DMD: variants seen among roughly 807,000 people sequenced by gnomAD.
DMD encodes the protein dystrophin.
In DMD, 63 loss-of-function variants were observed where a neutral mutation model predicts 330.1. The observed-to-expected ratio is 0.19, with a 90% CI of 0.16 to 0.24. The LOEUF is 0.24. DMD is among the 10% of genes least tolerant of loss of function. The pLI is 1.00. For synonymous variants in DMD, 1,223 were observed against 959.8 expected (o/e 1.27, Z -5.07); for missense variants, 3,344 against 2,684.1 (o/e 1.25, Z -5.43).
rs762516317 is a variant in DMD, at chrX:32,858,995, A to G, written c.94-9175T>C. ...CTTTCTGAGGCACAATTTATTCACT[A>G]TTAGAATGGGGCTCAAATTATTACT... On this transcript the variant is annotated intron_variant, in intron 2 of 78. Coordinates refer to ENST00000357033, the MANE Select transcript of DMD (RefSeq NM_004006.3). Among the ~76,000 whole-genome samples the G allele has an allele frequency of 3.6e-5, 4 of 111,632 alleles. No homozygotes were observed. The East Asian group carries it at 1.1e-3, about 31-fold the overall frequency.
chrX:32,418,214 A>G (rs934617776), intron 29 of DMD, among the ~76,000 whole-genome samples: 2 of 111,575 alleles, frequency 1.8e-5, no homozygotes, highest in Non-Finnish European at 3.8e-5. Context: ...TTTCTGATCT[A>G]TCTGGCTGAA....
At chrX:31,762,484 C>T (rs995006519) in intron 51 of DMD, among the ~76,000 whole-genome samples, 2 of 111,202 alleles carry the variant, frequency 1.8e-5, no homozygotes, top group African/African-American at 6.6e-5. Context: ...CAGGAGAATC[C>T]CTTGAACCAG....
chrX:32,142,014 C>T (rs1017416524), intron 44 of DMD, among the ~76,000 whole-genome samples: 11 of 111,635 alleles, frequency 9.9e-5, no homozygotes, highest in South Asian at 3.8e-4. Flanking sequence ...TGGCAACATA[C>T]CTTCCTTCAT....
At chrX:33,187,037 T>G (rs928445493) in intron 1 of DMD, among the ~76,000 whole-genome samples, 9 of 112,186 alleles carry the variant, frequency 8.0e-5, no homozygotes, top group African/African-American at 2.9e-4. Flanking sequence ...GGAAAACTCA[T>G]TAAAATGGGA....
At chrX:31,823,338 T>G (rs1289157574) in intron 49 of DMD, among the ~76,000 whole-genome samples, 1 of 112,514 alleles carries the variant, frequency 8.9e-6, no homozygotes, top group Non-Finnish European at 1.9e-5. Flanking sequence ...CCTCTATGCC[T>G]TGTACGATGT....
intron 44 of DMD, among the ~76,000 whole-genome samples, chrX:32,170,743 A>G (rs910845786): frequency 3.6e-5 from 4 of 110,406 alleles, no homozygotes; most frequent in African/African-American, 1.3e-4. Context: ...TGTCCTGTAC[A>G]GTGTCTACCA....
chrX:31,362,983 C>A (rs1472949128), intron 60 of DMD, among the ~76,000 whole-genome samples: 1 of 111,698 alleles, frequency 9.0e-6, no homozygotes. Context: ...AAACAAACAA[C>A]AGAGTAAACT....
At chrX:32,849,847 T>G in intron 2 of DMD, 27 bp from the exon 3 acceptor site, 8 of 1,029,808 alleles carry the variant, frequency 7.8e-6, no homozygotes, top group Non-Finnish European at 1.1e-5. Flanking sequence ...TACACTCAAT[T>G]TAACAAAGCA....
At chrX:33,266,527 G>T (rs1415313068) in intron 1 of DMD, among the ~76,000 whole-genome samples, 8 of 111,488 alleles carry the variant, frequency 7.2e-5, no homozygotes, top group Admixed American at 5.7e-4. Flanking sequence ...CTTGAAAGAA[G>T]ATAGTTGGAG....
chrX:32,117,641 T>C (rs57350244), intron 44 of DMD, among the ~76,000 whole-genome samples: 2,649 of 112,343 alleles, frequency 0.024, 93 homozygotes, highest in African/African-American at 0.081. Flanking sequence ...CATGAATGCA[T>C]ATGGGAGAAG....
At chrX:31,981,894 T>C (rs978054654) in intron 44 of DMD, among the ~76,000 whole-genome samples, 3 of 112,035 alleles carry the variant, frequency 2.7e-5, no homozygotes, top group Non-Finnish European at 5.6e-5. Context: ...CAGTGGTCTT[T>C]GAGGAACTAT....
At chrX:31,902,199 T>C (rs1008461765) in intron 47 of DMD, among the ~76,000 whole-genome samples, 4 of 111,939 alleles carry the variant, frequency 3.6e-5, no homozygotes, top group Non-Finnish European at 7.5e-5. Context: ...TTCTCTTCGT[T>C]AGAGATGACT....
At chrX:32,679,220 G>T in intron 9 of DMD, among the ~76,000 whole-genome samples, 1 of 111,721 alleles carries the variant, frequency 9.0e-6, no homozygotes, top group East Asian at 2.8e-4. Context: ...TCATGATATG[G>T]TATAATTGGA....
At chrX:32,276,423 T>C (rs1327619871) in intron 43 of DMD, among the ~76,000 whole-genome samples, 1 of 112,103 alleles carries the variant, frequency 8.9e-6, no homozygotes, top group Non-Finnish European at 1.9e-5. Context: ...CTTGCACCAT[T>C]CCTCCCCCAC....
At chrX:31,812,042 A>T (rs12836414) in intron 50 of DMD, among the ~76,000 whole-genome samples, 1 of 103,073 alleles carries the variant, frequency 9.7e-6, no homozygotes, top group Non-Finnish European at 2.0e-5. Context: ...TAAATTAACC[A>T]TTTTTTTTTT....
intron 20 of DMD, among the ~76,000 whole-genome samples, chrX:32,486,109 G>T (rs1342613848): frequency 9.1e-6 from 1 of 109,992 alleles, no homozygotes; most frequent in African/African-American, 3.3e-5. Context: ...ATTATTAGTA[G>T]CACCCTGTTT....
At chrX:31,556,928 G>A (rs1201727187) in intron 55 of DMD, among the ~76,000 whole-genome samples, 1 of 111,750 alleles carries the variant, frequency 8.9e-6, no homozygotes, top group Non-Finnish European at 1.9e-5. Context: ...TAAGTTTGTT[G>A]GGATTTATTT....
chrX:31,149,244 C>T (rs1015492368), intron 74 of DMD, among the ~76,000 whole-genome samples: 4 of 111,945 alleles, frequency 3.6e-5, no homozygotes, highest in African/African-American at 6.5e-5. Flanking sequence ...TGATCTCTAA[C>T]GATGCTTCCG....
In DMD at chrX:31,218,906, C is replaced by T. The variant is rs1028444008; in HGVS notation, c.9361+4141G>A. On this transcript the variant is annotated intron_variant, in intron 64 of 78. Coordinates refer to ENST00000357033, the MANE Select transcript of DMD (RefSeq NM_004006.3). The stretch of plus-strand genomic sequence containing the variant: ...CAATTCTGCATGATTTCAACATTGG[C>T]ATGGGGGACTCATGCATCATTCTAG... 2.7e-5 allele frequency among the ~76,000 whole-genome samples: 3 copies of T among 111,326 alleles called. No homozygotes were observed. In the East Asian group the frequency reaches 8.5e-4, roughly 32 times the overall value.
Sources: allele counts gnomAD v4.1 joint callset (sites outside exome capture counted in the v4.1 genomes callset), GRCh38; gene constraint gnomAD v4.1.1; transcripts MANE v1.5; gene names NCBI Gene and HGNC (gene_info 2026-07-23, HGNC 2026-07-21).